Variants in UNC13B observed in about 807,000 individuals in gnomAD.
UNC13B encodes protein unc-13 homolog B.
A neutral mutation model predicts 211.0 loss-of-function variants in UNC13B; 144 were observed. That is an observed-to-expected ratio of 0.68 (90% CI 0.60 to 0.78). The LOEUF (loss-of-function observed/expected upper bound fraction) is 0.78, where lower values mean the gene tolerates loss of function less well. UNC13B is among the 30% of genes least tolerant of loss of function. The pLI is 0.00. For synonymous variants in UNC13B, 709 were observed against 725.8 expected (o/e 0.98, Z 0.37); for missense variants, 1,777 against 2,002.0 (o/e 0.89, Z 2.14).
rs538430295 is a variant in UNC13B, at chr9:35,379,737, A to C, written c.10206-733A>C. Reference sequence around the variant, plus strand: ...CAAGAAGCTCCTTGTTGATTTGTCTATTATCTTCTCACAGAGCAGTGGTTA... The same window carrying C: ...CAAGAAGCTCCTTGTTGATTTGTCTCTTATCTTCTCACAGAGCAGTGGTTA... On this transcript the variant is annotated intron_variant, in intron 17 of 39. Transcript: ENST00000635942. 2.0e-5 allele frequency among the ~76,000 whole-genome samples: 3 copies of C among 152,304 alleles called. No individual in the cohort carries two copies. In the East Asian group the frequency reaches 5.8e-4, roughly 29 times the overall value.
In UNC13B at chr9:35,403,899, T is replaced by G; in HGVS notation, c.12889T>G (p.Leu4297Val). 6.8e-6 allele frequency: 11 copies of G among 1,614,142 alleles called. No individual in the cohort carries two copies. Among genetic ancestry groups the G allele is most frequent in the Non-Finnish European group, 9.3e-6 (11 of 1,180,020 alleles). ...AKGSCACWCP[L>V]GRKIHMDETG... ...GGGCAGCTGTGCCTGCTGGTGCCCC[T>G]TGGGCCGGAAGATCCATATGGATGA... Residue 4297 changes from leucine to valine, a missense_variant, in exon 40 of 40, where the codon TTG (leucine) becomes GTG (valine). Leu to Val is a conservative substitution (Grantham distance 32). Transcript: ENST00000635942.
intron 11 of UNC13B, chr9:35,352,560 CAG>C: frequency 2.4e-6 from 3 of 1,232,130 alleles, no homozygotes; most frequent in Non-Finnish European, 2.0e-6. Flanking sequence ...CAGATGGAAA[CAG>C]GGGACAGGGG....
chr9:35,239,807 A>T (rs1825708150), intron 5 of UNC13B, among the ~76,000 whole-genome samples: 1 of 152,234 alleles, frequency 6.6e-6, no homozygotes, highest in Non-Finnish European at 1.5e-5. Context: ...TGCTTTTGAA[A>T]GAAGAGAAAT....
rs117347652 is a variant in UNC13B, at chr9:35,226,500, G to A, written c.23-1515G>A. Reference sequence around the variant, plus strand: ...CACACTAGGCCATCTGCAAACTGCGGAGCTGGGAAGCCAGTCCGAGTCCCA... The same window carrying A: ...CACACTAGGCCATCTGCAAACTGCGAAGCTGGGAAGCCAGTCCGAGTCCCA... On this transcript the variant is annotated intron_variant, in intron 1 of 39. Transcript: ENST00000635942. Among the ~76,000 whole-genome samples the A allele has an allele frequency of 8.0e-3, 1,226 of 152,332 alleles. 9 individuals carry two copies. Among genetic ancestry groups the A allele is most frequent in the Non-Finnish European group, 0.014 (942 of 68,030 alleles).
At chr9:35,196,267 A>G (rs1822934882) in intron 1 of UNC13B, among the ~76,000 whole-genome samples, 1 of 152,190 alleles carries the variant, frequency 6.6e-6, no homozygotes, top group Non-Finnish European at 1.5e-5. Context: ...TCTGAAATAG[A>G]TGGGTTACAA....
intron 26 of UNC13B, among the ~76,000 whole-genome samples, chr9:35,395,003 A>G (rs1045009367): frequency 6.6e-6 from 1 of 152,130 alleles, no homozygotes; most frequent in African/African-American, 2.4e-5. Context: ...TTATGGAGTG[A>G]TGGGCAGTCC....
intron 7 of UNC13B, among the ~76,000 whole-genome samples, chr9:35,290,069 T>G (rs1476973667): frequency 6.6e-6 from 1 of 152,216 alleles, no homozygotes; most frequent in Non-Finnish European, 1.5e-5. Flanking sequence ...TTTATCACAA[T>G]TAGTTTCTTG....
chr9:35,165,899 A>G (rs1181172163), intron 1 of UNC13B, among the ~76,000 whole-genome samples: 1 of 152,040 alleles, frequency 6.6e-6, no homozygotes, highest in Non-Finnish European at 1.5e-5. Context: ...CAGTAAACTA[A>G]ATTAAGGATT....
intron 11 of UNC13B, among the ~76,000 whole-genome samples, chr9:35,366,582 C>T (rs915351052): frequency 6.6e-6 from 1 of 152,106 alleles, no homozygotes; most frequent in Non-Finnish European, 1.5e-5. Context: ...TGAAGGTGTC[C>T]TTTTGCTTTA....
At chr9:35,270,339 A>ATGTGTG (rs67433459) in intron 7 of UNC13B, among the ~76,000 whole-genome samples, 14 of 150,360 alleles carry the variant, frequency 9.3e-5, no homozygotes, top group East Asian at 2.0e-4. Flanking sequence ...ATGTATATAT[A>ATGTGTG]TGTGTGTGTG....
chr9:35,301,231 T>C lies in UNC13B; in HGVS notation c.1827T>C (p.Asn609=), dbSNP rs148500916. 310 of 398,868 alleles carry C rather than the reference T, an allele frequency of 7.8e-4. 4 individuals carry two copies. In the East Asian group the frequency reaches 8.7e-3, roughly 11 times the overall value. The allele number at this position is 398,868 out of a possible 1,614,324, so 24.7% of individuals were successfully genotyped here. ...PLSSQKDDNV[N]IDRHRKTSEN... ...CCTCTCAAAAAGATGATAATGTGAATATAGACAGACATAGAAAAACCTCTG... is the reference window on the plus strand; with the variant it reads ...CCTCTCAAAAAGATGATAATGTGAACATAGACAGACATAGAAAAACCTCTG... The change falls in exon 9 of 40, where the codon AAT becomes AAC. Residue 609 remains asparagine, a synonymous_variant. Transcript: ENST00000635942.
intron 3 of UNC13B, among the ~76,000 whole-genome samples, chr9:35,235,550 T>A (rs1345100362): frequency 6.6e-6 from 1 of 152,076 alleles, no homozygotes; most frequent in Non-Finnish European, 1.5e-5. Context: ...GTGATTCTTG[T>A]GCCTCAGCCT....
chr9:35,270,828 T>A (rs941072133), intron 7 of UNC13B, among the ~76,000 whole-genome samples: 1 of 152,012 alleles, frequency 6.6e-6, no homozygotes, highest in Non-Finnish European at 1.5e-5. Flanking sequence ...TTTCCAGTTG[T>A]CCTAAGACCA....
intron 26 of UNC13B, 125 bp from the exon 27 acceptor site, chr9:35,396,351 T>C (rs1835874062): frequency 1.6e-6 from 2 of 1,221,830 alleles, no homozygotes; most frequent in Admixed American, 2.1e-5. Flanking sequence ...GAGAAGGAGG[T>C]TGGGAGTCAC....
intron 5 of UNC13B, 38 bp downstream of exon 5, chr9:35,237,864 A>G: frequency 1.9e-6 from 3 of 1,574,446 alleles, no homozygotes; most frequent in African/African-American, 1.4e-5. Context: ...AATTTTTACC[A>G]TATTGTTTGG....
intron 13 of UNC13B, among the ~76,000 whole-genome samples, chr9:35,372,230 C>T (rs1329836008): frequency 1.3e-5 from 2 of 152,230 alleles, no homozygotes. Context: ...TGAGATCGCA[C>T]CACTGCACTC....
At chr9:35,236,677 A>G in intron 4 of UNC13B, 91 bp downstream of exon 4, 2 of 1,129,724 alleles carry the variant, frequency 1.8e-6, no homozygotes, top group Non-Finnish European at 2.6e-6. Flanking sequence ...TCATCCATGC[A>G]TCTTGGATTA....
intron 1 of UNC13B, among the ~76,000 whole-genome samples, chr9:35,218,679 G>A (rs1457657594): frequency 6.6e-6 from 1 of 151,848 alleles, no homozygotes; most frequent in Non-Finnish European, 1.5e-5. Flanking sequence ...TTATAGCCGT[G>A]AGCCACCGCG....
chr9:35,400,219 G>A, intron 36 of UNC13B, 77 bp from the exon 37 acceptor site: 1 of 1,564,370 alleles, frequency 6.4e-7, no homozygotes, highest in Non-Finnish European at 8.7e-7. Flanking sequence ...TCCTCTTCTT[G>A]CTTCTCTGAG....
Sources: gnomAD v4.1 joint callset for allele counts (sites outside exome capture counted in the v4.1 genomes callset) on GRCh38, gnomAD v4.1.1 for gene constraint, MANE v1.5 for transcripts, NCBI Gene and HGNC (gene_info 2026-07-23, HGNC 2026-07-21) for gene names.